PRKCB: variants seen among roughly 807,000 people sequenced by gnomAD.
The protein encoded by PRKCB is protein kinase C beta.
In PRKCB, 13 loss-of-function variants were observed where a neutral mutation model predicts 81.5. The observed-to-expected ratio is 0.16, with a 90% confidence interval of 0.10 to 0.25. The LOEUF (loss-of-function observed/expected upper bound fraction) is 0.25. PRKCB is among the 10% of genes least tolerant of loss of function. The pLI, the probability that PRKCB is intolerant of heterozygous loss-of-function variation, is 1.00. For synonymous variants in PRKCB, 335 were observed against 321.4 expected (o/e 1.04, Z -0.45); for missense variants, 509 against 875.7 (o/e 0.58, Z 5.29).
intron 3 of PRKCB, among the ~76,000 whole-genome samples, chr16:24,011,312 A>C (rs188762787): frequency 1.5e-3 from 225 of 152,268 alleles, no homozygotes; most frequent in Admixed American, 2.7e-3. Context: ...TCTGGGCTGA[A>C]ATAGATTTTA....
chr16:24,119,112 C>G (rs934204946), intron 8 of PRKCB, among the ~76,000 whole-genome samples: 6 of 133,606 alleles, frequency 4.5e-5, no homozygotes, highest in African/African-American at 1.9e-4. Context: ...ACCAGACCAA[C>G]AGGGTTATCA....
At chr16:24,106,109 C>G (rs201500482) in intron 7 of PRKCB, among the ~76,000 whole-genome samples, 1 of 16,566 alleles carries the variant, frequency 6.0e-5, no homozygotes, top group Non-Finnish European at 1.3e-4. Flanking sequence ...AAAAAAAAAG[C>G]AAAAAACAAA....
At chr16:24,020,976 TTTTCTTTCTTTCTTTCTTTCTTTC>T (rs59486748) in intron 3 of PRKCB, among the ~76,000 whole-genome samples, 78 of 96,720 alleles carry the variant, frequency 8.1e-4, no homozygotes, top group African/African-American at 1.3e-3. Flanking sequence ...AGACTTTTCT[TTTTCTTTCTTTCTTTCTTTCTTTC>T]TTTCTTTCTT....
At chr16:24,037,583 G>A (rs573981816) in intron 5 of PRKCB, among the ~76,000 whole-genome samples, 95 of 152,100 alleles carry the variant, frequency 6.2e-4, no homozygotes, top group Admixed American at 2.2e-3. Flanking sequence ...GTTTCGTTTC[G>A]TTTCTCTATG....
At chr16:23,977,307 T>C (rs1239828217) in intron 2 of PRKCB, among the ~76,000 whole-genome samples, 1 of 152,064 alleles carries the variant, frequency 6.6e-6, no homozygotes, top group Non-Finnish European at 1.5e-5. Context: ...TGGAGGTGCG[T>C]TCAGAGTAGC....
chr16:24,177,858 TC>T (rs897257143), intron 12 of PRKCB, among the ~76,000 whole-genome samples: 2 of 152,214 alleles, frequency 1.3e-5, no homozygotes, highest in African/African-American at 2.4e-5. Context: ...TTCTATGAGC[TC>T]CCCAATATCC....
At chr16:23,889,355 T>A (rs144050732) in intron 2 of PRKCB, among the ~76,000 whole-genome samples, 2 of 152,358 alleles carry the variant, frequency 1.3e-5, no homozygotes, top group East Asian at 3.9e-4. Context: ...TAACAGAGCC[T>A]ACCTTACGGC....
At chr16:24,007,250 G>T (rs538213520) in intron 3 of PRKCB, among the ~76,000 whole-genome samples, 1 of 152,280 alleles carries the variant, frequency 6.6e-6, no homozygotes, top group East Asian at 1.9e-4. Flanking sequence ...TGCCGTAACT[G>T]GCACATAGGA....
intron 2 of PRKCB, among the ~76,000 whole-genome samples, chr16:23,856,033 A>G (rs1326080745): frequency 3.3e-5 from 5 of 152,156 alleles, no homozygotes; most frequent in African/African-American, 1.2e-4. Context: ...GGTTCATTTC[A>G]AACTATACCT....
intron 3 of PRKCB, among the ~76,000 whole-genome samples, chr16:24,007,664 G>C (rs1395872248): frequency 6.6e-6 from 1 of 152,224 alleles, no homozygotes; most frequent in African/African-American, 2.4e-5. Context: ...ACCGTGCACA[G>C]AGAGGCGAGC....
chr16:23,877,447 C>T (rs1209757491), intron 2 of PRKCB, among the ~76,000 whole-genome samples: 1 of 152,218 alleles, frequency 6.6e-6, no homozygotes, highest in African/African-American at 2.4e-5. Flanking sequence ...ACACGACCAT[C>T]TCTGACTTGT....
intron 2 of PRKCB, among the ~76,000 whole-genome samples, chr16:23,918,008 A>G (rs1228392052): frequency 6.6e-6 from 1 of 152,228 alleles, no homozygotes; most frequent in Admixed American, 6.5e-5. Context: ...AAACATTTCA[A>G]ATTACTAAGA....
At position 23,837,114 on chromosome 16, in the gene PRKCB, A is replaced by G; in HGVS notation, c.174-261A>G. On this transcript the variant is annotated intron_variant, in intron 1 of 16. Transcript: ENST00000643927. ...CATCTGTCGCCTGCCTTCAGCCCCT[A>G]CCCCGACGGAAACGCTCCCCACTAT... 3 of 555,416 alleles carry G rather than the reference A, an allele frequency of 5.4e-6. No individual in the cohort carries two copies. The South Asian group carries it at 6.0e-5, about 11-fold the overall frequency. The allele number at this position is 555,416 out of a possible 1,614,324, so 34.4% of individuals were successfully genotyped here. A position where few individuals can be genotyped will look rare whatever the true frequency, so the allele number is the denominator to read the frequency against.
At chr16:23,979,946 A>T (rs1964673299) in intron 2 of PRKCB, among the ~76,000 whole-genome samples, 2 of 152,158 alleles carry the variant, frequency 1.3e-5, no homozygotes, top group African/African-American at 4.8e-5. Flanking sequence ...TTAGCCAGGC[A>T]TGGTGATGCA....
At chr16:24,128,593 T>A (rs1344041998) in intron 9 of PRKCB, among the ~76,000 whole-genome samples, 10 of 152,386 alleles carry the variant, frequency 6.6e-5, no homozygotes. Flanking sequence ...CTGGAAGGGC[T>A]ATCTTACCAA....
chr16:23,841,514 G>A (rs890292270), intron 2 of PRKCB, among the ~76,000 whole-genome samples: 2 of 151,982 alleles, frequency 1.3e-5, no homozygotes, highest in Non-Finnish European at 1.5e-5. Context: ...TAGAGACAGG[G>A]TCTCACTGTG....
At chr16:23,982,989 T>C (rs1964758077) in intron 2 of PRKCB, among the ~76,000 whole-genome samples, 1 of 152,152 alleles carries the variant, frequency 6.6e-6, no homozygotes, top group Non-Finnish European at 1.5e-5. Flanking sequence ...TCAACCTTTG[T>C]AGAGCAAGGG....
intron 5 of PRKCB, among the ~76,000 whole-genome samples, chr16:24,055,376 T>C (rs1158976071): frequency 1.3e-5 from 2 of 152,192 alleles, no homozygotes; most frequent in Non-Finnish European, 2.9e-5. Flanking sequence ...GGAAGGGAGA[T>C]GGCCCTGGAA....
chr16:23,927,620 T>G (rs1963914524), intron 2 of PRKCB, among the ~76,000 whole-genome samples: 1 of 151,926 alleles, frequency 6.6e-6, no homozygotes, highest in Non-Finnish European at 1.5e-5. Context: ...AGGCAGGACT[T>G]GAGGACGCCT....
Sources: allele counts gnomAD v4.1 joint callset (sites outside exome capture counted in the v4.1 genomes callset), GRCh38; gene constraint gnomAD v4.1.1; transcripts MANE v1.5; gene names NCBI Gene and HGNC (gene_info 2026-07-23, HGNC 2026-07-21).